The following ITFG2 variants were observed in gnomAD, a reference collection of about 807,000 sequenced individuals.
The protein encoded by ITFG2 is KICSTOR complex protein ITFG2.
Under a neutral mutation model 54.4 loss-of-function variants are expected in ITFG2, and 36 were observed. That is an observed-to-expected ratio of 0.66 (90% CI 0.51 to 0.87). The LOEUF (loss-of-function observed/expected upper bound fraction) is 0.87, where lower values mean the gene tolerates loss of function less well. ITFG2 is among the 40% of genes least tolerant of loss of function. ITFG2 has a pLI of 0.00. For missense variants in ITFG2, 524 were observed against 576.7 expected, an observed-to-expected ratio of 0.91 and a Z score of 0.94; for synonymous variants, 211 against 225.4, an observed-to-expected ratio of 0.94 and a Z score of 0.57.
chr12:2,855,784 T>C (rs2098085377), intron 2 of ITFG2, among the ~76,000 whole-genome samples: 1 of 152,142 alleles, frequency 6.6e-6, no homozygotes, highest in African/African-American at 2.4e-5. Context: ...GAACTGGTGC[T>C]CCTTAGAGGG....
At chr12:2,825,354 A>C (rs2097961390), downstream of ITFG2, 2 of 152,320 alleles carry the variant, frequency 1.3e-5, no homozygotes, top group African/African-American at 4.8e-5. Flanking sequence ...GACATAGAGA[A>C]ACAAGAGTTT....
At chr12:2,849,454 T>C in intron 2 of ITFG2, 3 of 1,536,134 alleles carry the variant, frequency 2.0e-6, no homozygotes, top group Non-Finnish European at 2.6e-6. Flanking sequence ...GGCGAAATTA[T>C]TGGGAAACGG....
intron 2 of ITFG2, among the ~76,000 whole-genome samples, chr12:2,842,405 G>A (rs1022181835): frequency 1.3e-5 from 2 of 150,988 alleles, no homozygotes; most frequent in South Asian, 4.3e-4. Flanking sequence ...ACAGGCATGA[G>A]CCACCACGCC....
intron 10 of ITFG2, among the ~76,000 whole-genome samples, chr12:2,823,287 A>G (rs539742933): frequency 6.6e-6 from 1 of 152,130 alleles, no homozygotes; most frequent in Admixed American, 6.5e-5. Context: ...CCACCTCAGC[A>G]TGCCAGGTCT....
chr12:2,844,341 G>A (rs945836011), intron 2 of ITFG2, among the ~76,000 whole-genome samples: 2 of 152,134 alleles, frequency 1.3e-5, no homozygotes, highest in Admixed American at 1.3e-4. Context: ...ATCACATGAG[G>A]TCAGGAGTTC....
intron 3 of ITFG2, chr12:2,858,760 G>C: frequency 6.2e-7 from 1 of 1,614,220 alleles, no homozygotes; most frequent in Non-Finnish European, 8.5e-7. Flanking sequence ...ATTGTGTCCA[G>C]GACCAGGCCT....
rs772817524 is a variant in ITFG2, at chr12:2,821,797, G to GTGGAAAACC, written c.948+9_948+17dup. On this transcript the variant is annotated splice_donor_region_variant and intron_variant, in intron 9 of 11. Transcript: ENST00000228799. ...CTGGAGAAACTGGATGTCACCGTGA[G>GTGGAAAACC]TGGAAAACCTGGCAGAGCAGAGCAT... is the stretch of plus-strand genomic sequence containing the variant. 10 of 1,609,718 alleles carry GTGGAAAACC rather than the reference G, an allele frequency of 6.2e-6. No individual in the cohort carries two copies. Among genetic ancestry groups the GTGGAAAACC allele is most frequent in the Non-Finnish European group, 8.5e-6 (10 of 1,176,192 alleles).
rs1220462764 is a variant in ITFG2 at position 2,824,234 on chromosome 12, C to A, written c.*41C>A. 1 of 1,567,028 alleles carries A rather than the reference C, an allele frequency of 6.4e-7. No individual in the cohort carries two copies. Among genetic ancestry groups the A allele is most frequent in the African/African-American group, 1.4e-5 (1 of 73,844 alleles). On this transcript the variant is annotated 3_prime_UTR_variant, in exon 12 of 12. Transcript: ENST00000228799. ...AGCTGGTGAAGGATTCTTCTGAACC[C>A]CCACCCTACCCCCTAAAGGTATCTG...
At chr12:2,840,753 T>G (rs1466614552) in intron 1 of ITFG2, 2 of 151,946 alleles carry the variant, frequency 1.3e-5, no homozygotes, top group African/African-American at 4.8e-5. Context: ...GCCACTGCCC[T>G]CCAGTCTGGG....
At position 2,824,469 on chromosome 12, in the gene ITFG2, A is replaced by G. The variant is rs2097957502; in HGVS notation, c.*276A>G. ...TAGGACCCTGGCCTTGTTCCAAATC[A>G]TCTGGGACATGACCCACTCCCCACT... On this transcript the variant is annotated 3_prime_UTR_variant, in exon 12 of 12. Coordinates refer to ENST00000228799, the MANE Select transcript of ITFG2 (RefSeq NM_018463.4). The G allele has an allele frequency of 2.2e-6, 1 of 449,042 alleles. No homozygotes were observed. The highest frequency in any genetic ancestry group is 2.0e-5 in the South Asian group (1 of 49,308). The allele number at this position is 449,042 out of a possible 1,614,324, so 27.8% of individuals were successfully genotyped here.
chr12:2,838,922 C>T (rs190949891), intron 1 of ITFG2, among the ~76,000 whole-genome samples: 48 of 152,058 alleles, frequency 3.2e-4, no homozygotes, highest in South Asian at 6.2e-4. Context: ...TGAGGCTAGG[C>T]GAGCGGCCCG....
chr12:2,859,492 C>T, intron 3 of ITFG2: 1 of 1,614,006 alleles, frequency 6.2e-7, no homozygotes, highest in Non-Finnish European at 8.5e-7. Context: ...GGAGGGCTCT[C>T]CACTTTGATG....
rs749117076 is a variant in ITFG2, at chr12:2,822,918, C to G, written c.1066+7C>G. On this transcript the variant is annotated splice_region_variant and intron_variant, in intron 10 of 11. Coordinates refer to ENST00000228799, the MANE Select transcript of ITFG2 (RefSeq NM_018463.4). ...ATCCGTGCCTTCTGTGCAGGTGACC[C>G]CCGCCCCCATGGCCCCTTTCTAACC... 1.9e-6 allele frequency: 3 copies of G among 1,609,782 alleles called. No individual in the cohort carries two copies. In the African/African-American group the frequency reaches 4.0e-5, roughly 22 times the overall value.
chr12:2,842,120 C>CTTTTTTTT (rs71057841), intron 2 of ITFG2, among the ~76,000 whole-genome samples: 36 of 108,686 alleles, frequency 3.3e-4, no homozygotes, highest in Non-Finnish European at 3.7e-4. Context: ...TCACTTGTTT[C>CTTTTTTTT]TTTTTTTTTT....
chr12:2,835,387 T>C (rs1337020642), upstream of ITFG2: 1 of 233,244 alleles, frequency 4.3e-6, no homozygotes, highest in Non-Finnish European at 7.2e-6. Context: ...CTCCTGGCAT[T>C]ATCTGCAGCC....
upstream of ITFG2, chr12:2,834,547 A>C (rs1320242542): frequency 4.7e-6 from 7 of 1,481,568 alleles, no homozygotes; most frequent in African/African-American, 8.5e-5. Context: ...CTGAAAGCTG[A>C]GGGTCTGCAC....
chr12:2,834,701 C>T, upstream of ITFG2: 4 of 1,613,940 alleles, frequency 2.5e-6, no homozygotes, highest in Non-Finnish European at 3.4e-6. Context: ...TCGGCCGAGT[C>T]CTTGTGCAGG....
chr12:2,844,384 T>A (rs982454683), intron 2 of ITFG2, among the ~76,000 whole-genome samples: 2 of 152,066 alleles, frequency 1.3e-5, no homozygotes, highest in Non-Finnish European at 2.9e-5. Flanking sequence ...CGAAACCCTG[T>A]CTCTACTAAA....
At chr12:2,820,942 G>T in intron 6 of ITFG2, 70 bp downstream of exon 6, 1 of 1,538,388 alleles carries the variant, frequency 6.5e-7, no homozygotes. Flanking sequence ...GATGCCACAT[G>T]GTAGTAAAAT....
Sources: gnomAD v4.1 joint callset for allele counts (sites outside exome capture counted in the v4.1 genomes callset) on GRCh38, gnomAD v4.1.1 for gene constraint, MANE v1.5 for transcripts, NCBI Gene and HGNC (gene_info 2026-07-23, HGNC 2026-07-21) for gene names.